The following DNAH17 variants were observed in gnomAD, a reference collection of about 807,000 sequenced individuals.
DNAH17 encodes dynein axonemal heavy chain 17.
A neutral mutation model predicts 485.6 loss-of-function variants in DNAH17; 376 were observed. The ratio of observed to expected loss-of-function variants is 0.77; its 90% CI spans 0.71 to 0.84. DNAH17 has a LOEUF of 0.84. Ranked by LOEUF, DNAH17 falls within the 40% of genes least tolerant of loss-of-function variation. The pLI, the probability that DNAH17 is intolerant of heterozygous loss-of-function variation, is 0.00. For synonymous variants in DNAH17, 3,031 were observed against 2,405.9 expected, an observed-to-expected ratio of 1.26 and a Z score of -7.60; for missense variants, 6,370 against 5,839.3, an observed-to-expected ratio of 1.09 and a Z score of -2.96.
chr17:78,461,910 A>G (rs1386837262), intron 57 of DNAH17, among the ~76,000 whole-genome samples: 1 of 152,118 alleles, frequency 6.6e-6, no homozygotes, highest in Non-Finnish European at 1.5e-5. Flanking sequence ...CAGGGTCACA[A>G]GTATGAGACA....
At position 78,451,115 on chromosome 17, in the gene DNAH17, G is replaced by A. The variant is rs531086157; in HGVS notation, c.10735-269C>T. Among the ~76,000 whole-genome samples the A allele has an allele frequency of 5.1e-4, 78 of 152,376 alleles. 1 individual carries two copies. Among genetic ancestry groups the A allele is most frequent in the African/African-American group, 1.9e-3 (78 of 41,592 alleles). ...TGGGCCTCCTGAGCCCATGCAAGTG[G>A]CTATAACAGCCAGAAATGTGGCAGG... On this transcript the variant is annotated intron_variant, in intron 66 of 80. Transcript: ENST00000389840.
At chr17:78,493,346 C>T (rs2089942568) in intron 41 of DNAH17, 1 of 153,218 alleles carries the variant, frequency 6.5e-6, no homozygotes, top group African/African-American at 2.4e-5. Flanking sequence ...GCTCTGAAAA[C>T]ATTCACATTC....
intron 76 of DNAH17, among the ~76,000 whole-genome samples, 200 bp downstream of exon 76, chr17:78,428,921 C>CT (rs200826684): frequency 3.1e-4 from 14 of 45,762 alleles, no homozygotes; most frequent in Admixed American, 7.2e-4. Context: ...GCATTTCTTT[C>CT]TTTAAAAAAA....
Position 78,507,562 on chromosome 17 carries a change from G to A in DNAH17, c.4480C>T (p.Arg1494Ter), listed in dbSNP as rs572110396. The change falls in exon 28 of 81, where the codon CGA becomes TGA. Residue 1494 changes from arginine (R) to a stop codon, truncating the protein, a stop_gained. Transcript: ENST00000389840. LOFTEE classifies it high-confidence loss of function. ...ATGCTCTCCAGGTGGCTCCAGGTTC[G>A]CTGGACCTCAAACCAGATGGAGATG... The part of the protein sequence containing the change: ...SVISIWFEVQ[R>*]TWSHLESIFI... 4.5e-5 allele frequency: 72 copies of A among 1,614,032 alleles called. No homozygotes were observed. Among genetic ancestry groups the A allele is most frequent in the Non-Finnish European group, 5.8e-5 (69 of 1,179,904 alleles).
rs752363197 is a variant in DNAH17, at chr17:78,574,914, G to A, written c.144C>T (p.Asp48=). ...TGAGCGTCAGCACCAGCACCTGGAC[G>A]TCGGGCTTTTCAAAGAACTCTGTGA... ...ALFTEFFEKP[D]VQVLVLTLNA... is the part of the protein sequence containing the mutation. The change falls in exon 2 of 81, where the codon GAC becomes GAT. Residue 48 remains aspartate (D), a synonymous_variant. Transcript: ENST00000389840. 14 of 1,613,906 alleles carry A rather than the reference G, an allele frequency of 8.7e-6. No individual in the cohort carries two copies. The highest frequency in any genetic ancestry group is 2.7e-5 in the African/African-American group (2 of 74,916).
At chr17:78,441,232 C>G (rs767081925) in intron 71 of DNAH17, 33 bp from the exon 72 acceptor site, 19 of 1,611,448 alleles carry the variant, frequency 1.2e-5, no homozygotes, top group Admixed American at 1.7e-5. Flanking sequence ...GCAGCGGAAC[C>G]TGAGGCTCTG....
In DNAH17 at chr17:78,551,624, T is replaced by C. The variant is rs2091903850; in HGVS notation, c.2302A>G (p.Ile768Val). The change falls in exon 16 of 81, where the codon ATT becomes GTT. Residue 768 changes from isoleucine (I) to valine (V), a missense_variant. Physicochemically the swap from Ile to Val is conservative, Grantham distance 29. Transcript: ENST00000389840. ...FWNGEGVFQY[I>V]QEVREILHNL... is the part of the protein sequence containing the mutation. The stretch of plus-strand genomic sequence containing the variant: ...TGCAGAATTTCTCGCACCTCTTGAA[T>C]GTACTGAAACACACCTAAAATGGAA... The C allele has an allele frequency of 3.7e-6, 6 of 1,613,860 alleles. No homozygotes were observed. Among genetic ancestry groups the C allele is most frequent in the Non-Finnish European group, 4.2e-6 (5 of 1,179,884 alleles).
intron 35 of DNAH17, 115 bp downstream of exon 35, chr17:78,501,069 G>A (rs1167928376): frequency 1.4e-5 from 17 of 1,249,394 alleles, no homozygotes; most frequent in Middle Eastern, 2.0e-4. Flanking sequence ...TCCACCTGAC[G>A]CAAATGCCCA....
rs1337966310 is a variant in DNAH17 at position 78,567,062 on chromosome 17, C to T, written c.1389G>A (p.Glu463=). The change falls in exon 10 of 81, where the codon GAG becomes GAA. Residue 463 remains glutamate (E), a synonymous_variant. Transcript: ENST00000389840. ...CAAAAACCTTCACCAGCTCAAAGAC[C>T]TCATCATAGATACGGGTCACCAGGC... The part of the protein sequence containing the change: ...LGSLVTRIYD[E]VFELVKVFAD... 1 of 1,613,756 alleles carries T rather than the reference C, an allele frequency of 6.2e-7. No homozygotes were observed. The highest frequency in any genetic ancestry group is 1.1e-5 in the South Asian group (1 of 91,010).
intron 19 of DNAH17, 156 bp from the exon 20 acceptor site, chr17:78,532,892 C>T (rs556407364): frequency 1.1e-6 from 1 of 912,258 alleles, no homozygotes; most frequent in South Asian, 1.8e-5. Context: ...GGCCGATCAC[C>T]CCTCTTTAGG....
chr17:78,515,464 A>G (rs938288085), intron 25 of DNAH17, among the ~76,000 whole-genome samples: 7 of 152,204 alleles, frequency 4.6e-5, no homozygotes, highest in African/African-American at 1.7e-4. Context: ...AGCCGAGATC[A>G]TGCCACTGCA....
chr17:78,428,948 G>A (rs991992765), intron 76 of DNAH17, among the ~76,000 whole-genome samples, 173 bp downstream of exon 76: 3 of 132,420 alleles, frequency 2.3e-5, no homozygotes, highest in African/African-American at 8.0e-5. Flanking sequence ...AAAAAAAAAG[G>A]TTGTTTGTAT....
chr17:78,485,924 A>G (rs2089586756), intron 46 of DNAH17, 36 bp downstream of exon 46: 2 of 1,603,474 alleles, frequency 1.2e-6, no homozygotes, highest in Admixed American at 1.7e-5. Flanking sequence ...CTGCCTCTAA[A>G]TCACCAGTCG....
At position 78,464,427 on chromosome 17, in the gene DNAH17, T is replaced by A. The variant is rs570503979; in HGVS notation, c.8941-1350A>T. Among the ~76,000 whole-genome samples the A allele has an allele frequency of 2.2e-4, 33 of 152,296 alleles. No homozygotes were observed. The South Asian group carries it at 2.9e-3, about 13-fold the overall frequency. On this transcript the variant is annotated intron_variant, in intron 56 of 80. Transcript: ENST00000389840. The stretch of plus-strand genomic sequence containing the variant: ...GGCATGCACCACCACACCCGGCTAA[T>A]TTTTTATATTTTTGGTAGAGATGGG...
At chr17:78,508,169 A>C (rs957465392) in intron 27 of DNAH17, among the ~76,000 whole-genome samples, 6 of 152,198 alleles carry the variant, frequency 3.9e-5, no homozygotes, top group Non-Finnish European at 8.8e-5. Context: ...CCTGCAATTG[A>C]CAATTTTGAG....
Position 78,451,589 on chromosome 17 carries a change from G to A in DNAH17, c.10614C>T (p.Tyr3538=). The A allele has an allele frequency of 5.6e-6, 9 of 1,612,928 alleles. No individual in the cohort carries two copies. Among genetic ancestry groups the A allele is most frequent in the East Asian group, 2.2e-5 (1 of 44,770 alleles). The change falls in exon 66 of 81, where the codon TAC becomes TAT. Residue 3538 remains tyrosine (Y), a synonymous_variant. Coordinates refer to ENST00000389840, the MANE Select transcript of DNAH17 (RefSeq NM_173628.4). ...TGCACTGAGCCTGCATCTCTGGCTT[G>A]TAGTGTGGGTTGAAGTACTTGGTGT... ...ILHTKYFNPH[Y]KPEMQAQCTL...
Position 78,539,689 on chromosome 17 carries a change from G to A in DNAH17, c.2676+48C>T, listed in dbSNP as rs529141276. ...AAACTAGAAACTATAGATTCTAACAGATAAGAATACATATACATAAATATA... is the reference window on the plus strand; with the variant it reads ...AAACTAGAAACTATAGATTCTAACAAATAAGAATACATATACATAAATATA... On this transcript the variant is annotated intron_variant, in intron 18 of 80. Coordinates refer to ENST00000389840, the MANE Select transcript of DNAH17 (RefSeq NM_173628.4). The A allele has an allele frequency of 9.0e-6, 13 of 1,440,620 alleles. No homozygotes were observed. The South Asian group carries it at 1.6e-4, about 18-fold the overall frequency. The allele number at this position is 1,440,620 out of a possible 1,614,324, so 89.2% of individuals were successfully genotyped here. A position where few individuals can be genotyped will look rare whatever the true frequency, so the allele number is the denominator to read the frequency against.
At position 78,526,963 on chromosome 17, in the gene DNAH17, G is replaced by C; in HGVS notation, c.3541C>G (p.Leu1181Val). ...ACGGTCAGCTTCACCTGAATGGCCAGTTTCTTGGTATTTGCCCAGTGCTCC... is the reference window on the plus strand; with the variant it reads ...ACGGTCAGCTTCACCTGAATGGCCACTTTCTTGGTATTTGCCCAGTGCTCC... Reference protein sequence around the residue: ...LPEHWANTKKLAIQVKLTVAP... With the variant: ...LPEHWANTKKVAIQVKLTVAP... The change falls in exon 23 of 81, where the codon CTG (leucine) becomes GTG (valine). Residue 1181 changes from leucine (L) to valine (V), a missense_variant. Transcript: ENST00000389840. 2 of 1,588,400 alleles carry C rather than the reference G, an allele frequency of 1.3e-6. No homozygotes were observed. Among genetic ancestry groups the C allele is most frequent in the East Asian group, 4.6e-5 (2 of 43,802 alleles).
intron 54 of DNAH17, among the ~76,000 whole-genome samples, chr17:78,473,963 G>C (rs1414971734): frequency 2.6e-5 from 4 of 152,194 alleles, no homozygotes; most frequent in Non-Finnish European, 4.4e-5. Context: ...CTGTGTTCAG[G>C]AGTGCCCATC....
Sources: gnomAD v4.1 joint callset for allele counts (sites outside exome capture counted in the v4.1 genomes callset) on GRCh38, gnomAD v4.1.1 for gene constraint, MANE v1.5 for transcripts, NCBI Gene and HGNC (gene_info 2026-07-23, HGNC 2026-07-21) for gene names.